The following MAGI1 variants were observed in gnomAD, a reference collection of about 807,000 sequenced individuals.
MAGI1 encodes the protein membrane-associated guanylate kinase, WW and PDZ domain-containing protein 1.
Under a neutral mutation model 139.9 loss-of-function variants are expected in MAGI1, and 58 were observed. The ratio of observed to expected loss-of-function variants is 0.41; its 90% CI spans 0.34 to 0.52. The LOEUF (loss-of-function observed/expected upper bound fraction) is 0.52. MAGI1 is among the 20% of genes least tolerant of loss of function. The probability of loss-of-function intolerance (pLI) is 0.12; values close to 1 mark genes in which losing one functional copy is unlikely to be tolerated. For missense variants in MAGI1, 1,874 were observed against 1,901.6 expected (o/e 0.99, Z 0.27); for synonymous variants, 812 against 737.9 (o/e 1.10, Z -1.63).
chr3:65,834,925 G>C (rs1416478777), intron 1 of MAGI1, among the ~76,000 whole-genome samples: 2 of 152,120 alleles, frequency 1.3e-5, no homozygotes, highest in Non-Finnish European at 1.5e-5. Context: ...ATTGGTGTTT[G>C]CATTACACAC....
At chr3:65,393,435 T>A (rs904020817) in intron 13 of MAGI1, among the ~76,000 whole-genome samples, 2 of 152,306 alleles carry the variant, frequency 1.3e-5, no homozygotes. Flanking sequence ...TTTACTTTTA[T>A]GGTGCATAGA....
intron 1 of MAGI1, among the ~76,000 whole-genome samples, chr3:65,624,034 C>T (rs2083829806): frequency 6.6e-6 from 1 of 152,048 alleles, no homozygotes; most frequent in South Asian, 2.1e-4. Context: ...TGTTAGACAT[C>T]ATTAGTCATT....
At chr3:65,595,658 C>T (rs2082157316) in intron 2 of MAGI1, among the ~76,000 whole-genome samples, 1 of 152,104 alleles carries the variant, frequency 6.6e-6, no homozygotes, top group Non-Finnish European at 1.5e-5. Flanking sequence ...AATAACGGAC[C>T]GATTCCACGT....
At chr3:65,815,759 T>C (rs1420282271) in intron 1 of MAGI1, among the ~76,000 whole-genome samples, 1 of 152,188 alleles carries the variant, frequency 6.6e-6, no homozygotes, top group African/African-American at 2.4e-5. Context: ...CAGTGATTCA[T>C]ATACCTTATC....
intron 2 of MAGI1, among the ~76,000 whole-genome samples, chr3:65,526,093 A>G (rs2078364821): frequency 6.6e-6 from 1 of 152,210 alleles, no homozygotes; most frequent in Non-Finnish European, 1.5e-5. Context: ...ATCATAATCT[A>G]CATCACCTAA....
chr3:65,458,135 C>G (rs1490409381), intron 5 of MAGI1, among the ~76,000 whole-genome samples: 1 of 152,054 alleles, frequency 6.6e-6, no homozygotes, highest in Non-Finnish European at 1.5e-5. Flanking sequence ...AGTTCTCATT[C>G]TTTTTTATGG....
At chr3:65,849,715 C>T (rs2059141164) in intron 1 of MAGI1, among the ~76,000 whole-genome samples, 1 of 151,966 alleles carries the variant, frequency 6.6e-6, no homozygotes, top group Non-Finnish European at 1.5e-5. Flanking sequence ...CATTTTGTTG[C>T]TGCTGTTAAG....
chr3:66,002,112 T>G (rs2066773272), intron 1 of MAGI1, among the ~76,000 whole-genome samples: 1 of 152,190 alleles, frequency 6.6e-6, no homozygotes, highest in Non-Finnish European at 1.5e-5. Context: ...AAAAATCTCT[T>G]GGCAATAAAG....
chr3:65,428,112 C>T (rs1453002259), intron 12 of MAGI1, among the ~76,000 whole-genome samples: 1 of 152,174 alleles, frequency 6.6e-6, no homozygotes, highest in Admixed American at 6.5e-5. Flanking sequence ...CCATTCTGAT[C>T]GCAGAACACA....
intron 1 of MAGI1, among the ~76,000 whole-genome samples, chr3:65,766,178 A>C (rs1000629974): frequency 1.3e-5 from 2 of 152,196 alleles, no homozygotes; most frequent in Non-Finnish European, 2.9e-5. Context: ...TCAACAAACT[A>C]ATCTTCAAAA....
At chr3:65,581,376 C>T (rs2081415180) in intron 2 of MAGI1, among the ~76,000 whole-genome samples, 1 of 152,062 alleles carries the variant, frequency 6.6e-6, no homozygotes, top group Non-Finnish European at 1.5e-5. Context: ...AAAAAAAAGG[C>T]AAATGAGGCC....
intron 1 of MAGI1, among the ~76,000 whole-genome samples, chr3:65,852,908 G>T (rs1327711321): frequency 1.3e-5 from 2 of 151,478 alleles, no homozygotes; most frequent in Non-Finnish European, 2.9e-5. Flanking sequence ...AGCCGAGGTG[G>T]GCAGATCATG....
At position 65,828,208 on chromosome 3, in the gene MAGI1, C is replaced by G. The variant is rs537713075; in HGVS notation, c.314-206120G>C. On this transcript the variant is annotated intron_variant, in intron 1 of 22. Coordinates refer to ENST00000402939, the MANE Select transcript of MAGI1 (RefSeq NM_001033057.2). ...ATCTAGTTCTACTTTTCACTGTTAA[C>G]TCAGCATATCTCATCAGACTTCTTC... 2.3e-4 allele frequency among the ~76,000 whole-genome samples: 35 copies of G among 152,276 alleles called. No individual in the cohort carries two copies. In the East Asian group the frequency reaches 6.6e-3, roughly 29 times the overall value.
chr3:65,496,905 T>C (rs942361709), intron 2 of MAGI1, among the ~76,000 whole-genome samples: 1 of 152,156 alleles, frequency 6.6e-6, no homozygotes, highest in Non-Finnish European at 1.5e-5. Context: ...GCTGATGGAT[T>C]GGATGTTGTA....
chr3:65,978,657 T>G (rs2065390018), intron 1 of MAGI1, among the ~76,000 whole-genome samples: 1 of 150,916 alleles, frequency 6.6e-6, no homozygotes, highest in African/African-American at 2.4e-5. Context: ...AGATGGAGTT[T>G]CACTCTTGTT....
intron 1 of MAGI1, among the ~76,000 whole-genome samples, chr3:66,004,797 G>A (rs968393367): frequency 3.3e-5 from 5 of 152,176 alleles, no homozygotes; most frequent in African/African-American, 9.7e-5. Context: ...GACTATCGCA[G>A]ATTTAAAGCA....
intron 12 of MAGI1, among the ~76,000 whole-genome samples, chr3:65,405,337 C>A (rs1945248931): frequency 6.6e-6 from 1 of 152,084 alleles, no homozygotes; most frequent in Admixed American, 6.5e-5. Flanking sequence ...AACTAAATGG[C>A]AGAATGTCAT....
chr3:65,641,542 A>G (rs950313520), intron 1 of MAGI1, among the ~76,000 whole-genome samples: 2 of 152,180 alleles, frequency 1.3e-5, no homozygotes, highest in African/African-American at 4.8e-5. Flanking sequence ...ATACACACAG[A>G]ATCTTCTGTT....
At chr3:65,543,245 G>A (rs2079333074) in intron 2 of MAGI1, among the ~76,000 whole-genome samples, 1 of 152,160 alleles carries the variant, frequency 6.6e-6, no homozygotes, top group Admixed American at 6.5e-5. Context: ...AAAAAGTCAG[G>A]AAACAGCAGA....
Sources: allele counts gnomAD v4.1 joint callset (sites outside exome capture counted in the v4.1 genomes callset), GRCh38; gene constraint gnomAD v4.1.1; transcripts MANE v1.5; gene names NCBI Gene and HGNC (gene_info 2026-07-23, HGNC 2026-07-21).